Variants in BAIAP2L1 observed in about 807,000 individuals in gnomAD.
BAIAP2L1 encodes the protein BAR/IMD domain-containing adapter protein 2-like 1.
BAIAP2L1 carries 35 observed loss-of-function variants against 66.3 expected under a neutral mutation model. The ratio of observed to expected loss-of-function variants is 0.53; its 90% confidence interval spans 0.40 to 0.70. BAIAP2L1 has a LOEUF of 0.70. Ranked by LOEUF, BAIAP2L1 falls within the 30% of genes least tolerant of loss-of-function variation. The pLI is 0.00. For synonymous variants in BAIAP2L1, 269 were observed against 248.7 expected, an observed-to-expected ratio of 1.08 and a Z score of -0.77; for missense variants, 622 against 656.9, an observed-to-expected ratio of 0.95 and a Z score of 0.58.
chr7:98,298,184 C>T (rs181325129), intron 12 of BAIAP2L1, among the ~76,000 whole-genome samples: 109 of 152,366 alleles, frequency 7.2e-4, no homozygotes, highest in Non-Finnish European at 1.3e-3. Context: ...TAATAAGACG[C>T]GCCGTCACAG....
At chr7:98,341,282 C>T (rs1562776795) in intron 3 of BAIAP2L1, among the ~76,000 whole-genome samples, 1 of 152,148 alleles carries the variant, frequency 6.6e-6, no homozygotes, top group Non-Finnish European at 1.5e-5. Flanking sequence ...CTCATACTCA[C>T]ATGGTTAGTC....
At chr7:98,370,092 T>G (rs925734968) in intron 1 of BAIAP2L1, among the ~76,000 whole-genome samples, 6 of 151,940 alleles carry the variant, frequency 3.9e-5, no homozygotes, top group African/African-American at 1.5e-4. Context: ...ATCCAAATGA[T>G]TCTACCAGAG....
At chr7:98,352,947 AT>A (rs1181557666) in intron 3 of BAIAP2L1, among the ~76,000 whole-genome samples, 1 of 152,144 alleles carries the variant, frequency 6.6e-6, no homozygotes, top group Non-Finnish European at 1.5e-5. Context: ...TTTCTGATGC[AT>A]GACACCAATA....
intron 1 of BAIAP2L1, among the ~76,000 whole-genome samples, chr7:98,373,036 G>A (rs781143991): frequency 2.6e-5 from 4 of 152,146 alleles, no homozygotes; most frequent in East Asian, 1.9e-4. Context: ...CAGCACGCCC[G>A]GTCAAGATCA....
intron 1 of BAIAP2L1, among the ~76,000 whole-genome samples, chr7:98,392,834 C>T (rs1335647829): frequency 2.0e-5 from 3 of 151,752 alleles, no homozygotes; most frequent in Non-Finnish European, 2.9e-5. Context: ...TTGCTGCCAC[C>T]CAGGCTGGAG....
intron 1 of BAIAP2L1, chr7:98,386,446 T>G: frequency 6.3e-7 from 1 of 1,597,106 alleles, no homozygotes; most frequent in Non-Finnish European, 8.5e-7. Flanking sequence ...GTGACGAGCG[T>G]CTTTCCAATA....
chr7:98,394,787 A>C (rs1803160689), intron 1 of BAIAP2L1, among the ~76,000 whole-genome samples: 2 of 152,228 alleles, frequency 1.3e-5, no homozygotes, highest in African/African-American at 4.8e-5. Flanking sequence ...AACATTCATA[A>C]AGCACGACTC....
At chr7:98,343,276 C>G (rs1178271186) in intron 3 of BAIAP2L1, among the ~76,000 whole-genome samples, 7 of 150,360 alleles carry the variant, frequency 4.7e-5, no homozygotes, top group South Asian at 2.1e-4. Context: ...CACACACACA[C>G]ACACACACAC....
intron 1 of BAIAP2L1, chr7:98,386,120 G>A (rs934029103): frequency 1.8e-5 from 29 of 1,591,366 alleles, no homozygotes; most frequent in Non-Finnish European, 2.4e-5. Flanking sequence ...TGTTGGTGCT[G>A]AGCATAAGAG....
intron 3 of BAIAP2L1, among the ~76,000 whole-genome samples, chr7:98,330,694 T>C (rs964861324): frequency 2.6e-5 from 4 of 152,138 alleles, no homozygotes; most frequent in Admixed American, 2.0e-4. Context: ...AGGAGGTTTA[T>C]TTGGCTCTGG....
At chr7:98,299,251 T>G (rs1234091699) in intron 12 of BAIAP2L1, among the ~76,000 whole-genome samples, 1 of 152,096 alleles carries the variant, frequency 6.6e-6, no homozygotes, top group East Asian at 1.9e-4. Context: ...ACTCTTGACA[T>G]CAGGTGATCC....
At position 98,307,769 on chromosome 7, in the gene BAIAP2L1, A is replaced by G. The variant is rs746872726; in HGVS notation, c.1083T>C (p.Phe361=). The G allele has an allele frequency of 3.2e-5, 51 of 1,614,130 alleles. No homozygotes were observed. Among genetic ancestry groups the G allele is most frequent in the Non-Finnish European group, 4.1e-5 (48 of 1,180,046 alleles). The change falls in exon 10 of 14, where the codon TTT becomes TTC. Residue 361 remains phenylalanine (F), a synonymous_variant. Coordinates refer to ENST00000005260, the MANE Select transcript of BAIAP2L1 (RefSeq NM_018842.5). ...GCAGCGTGATGACATCTCCCTGTGC[A>G]AAGCTGAGTAAGGTCTTGTTGGAGC... The part of the protein sequence containing the change: ...TAGSNKTLLS[F]AQGDVITLLI...
At chr7:98,303,979 C>T (rs1183325906) in intron 12 of BAIAP2L1, among the ~76,000 whole-genome samples, 2 of 152,182 alleles carry the variant, frequency 1.3e-5, no homozygotes, top group Non-Finnish European at 2.9e-5. Context: ...ATAGAGTCCA[C>T]ATGAAAGAAG....
intron 1 of BAIAP2L1, 71 bp from the exon 2 acceptor site, chr7:98,362,503 T>C: frequency 3.7e-6 from 5 of 1,354,122 alleles, no homozygotes; most frequent in Non-Finnish European, 5.2e-6. Flanking sequence ...ATTTTGTCAC[T>C]GTGTGGCCCA....
Position 98,292,404 on chromosome 7 carries a change from C to A in BAIAP2L1, c.*1117G>T. 1.8e-6 allele frequency: 1 copy of A among 545,950 alleles called. No homozygotes were observed. Among genetic ancestry groups the A allele is most frequent in the Non-Finnish European group, 3.3e-6 (1 of 305,202 alleles). 33.8% of individuals were successfully genotyped at this position (545,950 alleles called of 1,614,324 possible). On this transcript the variant is annotated 3_prime_UTR_variant, in exon 14 of 14. Coordinates refer to ENST00000005260, the MANE Select transcript of BAIAP2L1 (RefSeq NM_018842.5). Reference sequence around the variant, plus strand: ...TTGTATTTTTAGTAGAGACTCCTGACCTCAGGTGATCCCCCTGCCTCGGCC... The same window carrying A: ...TTGTATTTTTAGTAGAGACTCCTGAACTCAGGTGATCCCCCTGCCTCGGCC...
In BAIAP2L1 at chr7:98,378,916, C is replaced by T. The variant is rs535642454; in HGVS notation, c.52-16484G>A. Among the ~76,000 whole-genome samples, 9 of 152,140 alleles carry T rather than the reference C, an allele frequency of 5.9e-5. No individual in the cohort carries two copies. In the South Asian group the frequency reaches 8.3e-4, roughly 14 times the overall value. ...CGTGATCTCGGCTCACTGCAACCTC[C>T]GCCTCCCGGTTCAAGCAATTCTGCT... On this transcript the variant is annotated intron_variant, in intron 1 of 13. Coordinates refer to ENST00000005260, the MANE Select transcript of BAIAP2L1 (RefSeq NM_018842.5).
At chr7:98,385,862 C>T (rs2115822165) in intron 1 of BAIAP2L1, 1 of 1,488,142 alleles carries the variant, frequency 6.7e-7, no homozygotes, top group South Asian at 1.1e-5. Context: ...GTCTCGTCCC[C>T]AGTGGCTTTT....
At position 98,325,750 on chromosome 7, in the gene BAIAP2L1, C is replaced by T. The variant is rs562063799; in HGVS notation, c.215-5452G>A. 5.9e-5 allele frequency among the ~76,000 whole-genome samples: 9 copies of T among 152,200 alleles called. No homozygotes were observed. In the South Asian group the frequency reaches 1.7e-3, roughly 28 times the overall value. On this transcript the variant is annotated intron_variant, in intron 3 of 13. Coordinates refer to ENST00000005260, the MANE Select transcript of BAIAP2L1 (RefSeq NM_018842.5). ...GGACTGAATTTTTCTGACAATTTTC[C>T]AAGTTTCAAATGGAATGAGGAGAAA... is the stretch of plus-strand genomic sequence containing the variant.
intron 1 of BAIAP2L1, among the ~76,000 whole-genome samples, chr7:98,364,601 C>T (rs937327878): frequency 1.3e-5 from 2 of 151,820 alleles, no homozygotes; most frequent in Non-Finnish European, 2.9e-5. Flanking sequence ...TCTGAGTCCC[C>T]GTGTGTCTGA....
Sources: gnomAD v4.1 joint callset for allele counts (sites outside exome capture counted in the v4.1 genomes callset) on GRCh38, gnomAD v4.1.1 for gene constraint, MANE v1.5 for transcripts, NCBI Gene and HGNC (gene_info 2026-07-23, HGNC 2026-07-21) for gene names.